STK10: variants seen among roughly 807,000 people sequenced by gnomAD.
STK10 encodes the protein serine/threonine-protein kinase 10.
In STK10, 78 loss-of-function variants were observed where a neutral mutation model predicts 113.8. The ratio of observed to expected loss-of-function variants is 0.69; its 90% confidence interval spans 0.57 to 0.83. STK10 has a LOEUF of 0.83. Ranked by LOEUF, STK10 falls within the 40% of genes least tolerant of loss-of-function variation. STK10 has a pLI of 0.00. For synonymous variants in STK10, 465 were observed against 494.7 expected (o/e 0.94, Z 0.80); for missense variants, 1,109 against 1,280.1 (o/e 0.87, Z 2.04).
chr5:172,167,158 C>CA lies in STK10; in HGVS notation c.157-10371dup, dbSNP rs1472268822. Among the ~76,000 whole-genome samples the CA allele has an allele frequency of 4.6e-3, 445 of 96,444 alleles. 1 individual carries two copies. Among genetic ancestry groups the CA allele is most frequent in the African/African-American group, 7.8e-3 (201 of 25,730 alleles). 63.3% of individuals were successfully genotyped at this position (96,444 alleles called of 152,430 possible). On this transcript the variant is annotated intron_variant, in intron 1 of 18. Transcript: ENST00000176763. ...CTGGGAACAGAGCAAGAATCTGTCT[C>CA]AAAAAAAAAAAAAGAAAAAAAAGAA...
chr5:172,061,079 G>C lies in STK10; in HGVS notation c.2212+60C>G, dbSNP rs1767922670. On this transcript the variant is annotated intron_variant, in intron 14 of 18. Transcript: ENST00000176763. ...TTCTTGTTGCCCACCCCACTTCCCA[G>C]GGCTGGGATGTCCACAGCGACTCTG... is the stretch of plus-strand genomic sequence containing the variant. 6 of 1,540,846 alleles carry C rather than the reference G, an allele frequency of 3.9e-6. No homozygotes were observed. The South Asian group carries it at 7.4e-5, about 19-fold the overall frequency.
intron 1 of STK10, among the ~76,000 whole-genome samples, chr5:172,158,905 G>A (rs1298777981): frequency 3.3e-5 from 5 of 152,244 alleles, no homozygotes; most frequent in African/African-American, 1.2e-4. Flanking sequence ...GGGAGTTATT[G>A]TTTAGTGGGT....
In STK10 at chr5:172,082,330, T is replaced by A. The variant is rs1459384029; in HGVS notation, c.1985A>T (p.Lys662Ile). The change falls in exon 12 of 19, where the codon AAA (lysine) becomes ATA (isoleucine). Residue 662 changes from lysine (K) to isoleucine (I), a missense_variant. Around this residue, in one of 5 missense-constraint regions of STK10, gnomAD observed 885 missense variants for 991.1 expected, o/e 0.89. Coordinates refer to ENST00000176763, the MANE Select transcript of STK10 (RefSeq NM_005990.4). The surrounding 1 kb of genome is among the most constrained non-coding windows in gnomAD (Gnocchi z 4.3). ...RFQEQLKLMK[K>I]EVKNEVEKLP... is the part of the protein sequence containing the mutation. ...CCCCACTGAGCACATACTCACCTCT[T>A]TCTTCATCAGTTTGAGCTGCTCTTG... The A allele has an allele frequency of 1.3e-6, 2 of 1,556,058 alleles. No individual in the cohort carries two copies. Among genetic ancestry groups the A allele is most frequent in the Non-Finnish European group, 1.7e-6 (2 of 1,153,232 alleles).
chr5:172,150,301 C>T (rs1317732645), intron 2 of STK10, among the ~76,000 whole-genome samples: 2 of 150,934 alleles, frequency 1.3e-5, no homozygotes, highest in East Asian at 4.0e-4. Context: ...GCCAACATGG[C>T]GAAACCCCGT....
chr5:172,129,026 A>G (rs1769689325), intron 2 of STK10, among the ~76,000 whole-genome samples: 1 of 152,180 alleles, frequency 6.6e-6, no homozygotes, highest in African/African-American at 2.4e-5. Flanking sequence ...GGCTGGGCTC[A>G]TGGCCCAGGT....
intron 2 of STK10, among the ~76,000 whole-genome samples, chr5:172,144,576 C>G (rs1431906284): frequency 6.6e-6 from 1 of 151,832 alleles, no homozygotes; most frequent in African/African-American, 2.4e-5. Flanking sequence ...ACAATGCTGC[C>G]ATTTACTAGG....
At chr5:172,052,321 T>C (rs1161366961) in intron 18 of STK10, among the ~76,000 whole-genome samples, 1 of 152,122 alleles carries the variant, frequency 6.6e-6, no homozygotes, top group Non-Finnish European at 1.5e-5. Flanking sequence ...CATAAGGAAC[T>C]GGATTCTGTC....
In STK10 at chr5:172,188,174, C is replaced by T. The variant is rs1770996112; in HGVS notation, c.-132G>A. 8 of 1,423,066 alleles carry T rather than the reference C, an allele frequency of 5.6e-6. No homozygotes were observed. Among genetic ancestry groups the T allele is most frequent in the Non-Finnish European group, 7.4e-6 (8 of 1,079,460 alleles). The allele number at this position is 1,423,066 out of a possible 1,614,324, so 88.2% of individuals were successfully genotyped here. ...GGGTTCTCCCCAGACCCGCCTTTCC[C>T]CGCAGCCCGACCTCGGTCAAGTGTG... is the stretch of plus-strand genomic sequence containing the variant. On this transcript the variant is annotated 5_prime_UTR_variant, in exon 1 of 19. Coordinates refer to ENST00000176763, the MANE Select transcript of STK10 (RefSeq NM_005990.4). This position sits in a 1 kb window ranked among gnomAD's most constrained non-coding sequence, Gnocchi z 5.6.
chr5:172,086,881 G>A (rs547834029), intron 10 of STK10, among the ~76,000 whole-genome samples: 153 of 152,294 alleles, frequency 1.0e-3, no homozygotes, highest in African/African-American at 3.6e-3. Flanking sequence ...GAGGAGGGTG[G>A]GGAACCACAG....
At chr5:172,126,049 A>G (rs1397272389) in intron 3 of STK10, among the ~76,000 whole-genome samples, 1 of 152,160 alleles carries the variant, frequency 6.6e-6, no homozygotes, top group Non-Finnish European at 1.5e-5. Context: ...ATGGTGTGAC[A>G]TTATCCTAAG....
chr5:172,128,221 C>CAAAAAA (rs35298910), intron 2 of STK10, among the ~76,000 whole-genome samples: 32 of 77,250 alleles, frequency 4.1e-4, no homozygotes, highest in Non-Finnish European at 6.8e-4. Flanking sequence ...GACTCCGTCT[C>CAAAAAA]AAAAAAAAAA....
At chr5:172,149,494 TCG>T (rs1491131320) in intron 2 of STK10, among the ~76,000 whole-genome samples, 1 of 122,214 alleles carries the variant, frequency 8.2e-6, no homozygotes, top group Non-Finnish European at 1.7e-5. Context: ...TACAAAGTGC[TCG>T]TGTGTGTGTG....
At chr5:172,049,476 A>G (rs1253234871) in intron 18 of STK10, among the ~76,000 whole-genome samples, 5 of 152,152 alleles carry the variant, frequency 3.3e-5, no homozygotes, top group Non-Finnish European at 7.3e-5. Context: ...AGGGAAGCGC[A>G]TATGGCATGG....
chr5:172,094,091 T>C (rs1768792042), intron 8 of STK10, 131 bp from the exon 9 acceptor site: 1 of 616,156 alleles, frequency 1.6e-6, no homozygotes, highest in Non-Finnish European at 2.4e-6. Flanking sequence ...AGAGCAGATA[T>C]CTCCCTAGCC....
chr5:172,085,267 C>T lies in STK10; in HGVS notation c.1686-2183G>A, dbSNP rs183006793. Among the ~76,000 whole-genome samples the T allele has an allele frequency of 1.5e-4, 23 of 151,714 alleles. No individual in the cohort carries two copies. In the South Asian group the frequency reaches 2.9e-3, roughly 19 times the overall value. ...TGTTAAAAAAAGAAAAAAAAATTGA[C>T]CTAAGCAACATGCCCTAATTATATA... is the stretch of plus-strand genomic sequence containing the variant. On this transcript the variant is annotated intron_variant, in intron 10 of 18. Transcript: ENST00000176763.
intron 7 of STK10, among the ~76,000 whole-genome samples, chr5:172,100,641 G>A (rs1406387521): frequency 2.0e-5 from 3 of 152,062 alleles, no homozygotes; most frequent in Non-Finnish European, 4.4e-5. Context: ...ACAAGAATTA[G>A]CCGGGTGTGG....
chr5:172,054,558 C>T lies in STK10; in HGVS notation c.2652+11G>A, dbSNP rs1767702742. The T allele has an allele frequency of 2.5e-6, 4 of 1,602,770 alleles. No homozygotes were observed. The highest frequency in any genetic ancestry group is 1.7e-6 in the Non-Finnish European group (2 of 1,178,962). ...GCCTGGGGGCAGGGGCAGGGGCAGG[C>T]AGGGCGGTACCTGCAGCTGCTGCAG... On this transcript the variant is annotated intron_variant, in intron 17 of 18. Coordinates refer to ENST00000176763, the MANE Select transcript of STK10 (RefSeq NM_005990.4).
At chr5:172,078,764 A>G (rs1310066243) in intron 12 of STK10, among the ~76,000 whole-genome samples, 3 of 144,078 alleles carry the variant, frequency 2.1e-5, no homozygotes, top group Non-Finnish European at 3.0e-5. Context: ...CAGGTGCCAG[A>G]TCCCACGCTC....
chr5:172,066,114 G>C (rs1385756504), intron 12 of STK10, among the ~76,000 whole-genome samples: 1 of 152,124 alleles, frequency 6.6e-6, no homozygotes, highest in Non-Finnish European at 1.5e-5. Flanking sequence ...TGGGGGGAAA[G>C]GCCCGCCTGT....
Sources: allele counts gnomAD v4.1 joint callset (sites outside exome capture counted in the v4.1 genomes callset), GRCh38; gene constraint gnomAD v4.1.1; regional missense constraint gnomAD v4.1.1; non-coding constraint Gnocchi (gnomAD v3.1); transcripts MANE v1.5; gene names NCBI Gene and HGNC (gene_info 2026-07-23, HGNC 2026-07-21).